Variants in ZFHX3 observed in about 807,000 individuals in gnomAD.
ZFHX3 encodes the protein zinc finger homeobox 3.
ZFHX3 carries 42 observed loss-of-function variants against 279.1 expected under a neutral mutation model. The observed-to-expected ratio is 0.15, with a 90% confidence interval of 0.12 to 0.19. ZFHX3 has a LOEUF of 0.19. Ranked by LOEUF, ZFHX3 falls within the 10% of genes least tolerant of loss-of-function variation. The pLI is 1.00. For missense variants in ZFHX3, 4,981 were observed against 4,754.0 expected (o/e 1.05, Z -1.40); for synonymous variants, 2,293 against 1,957.8 (o/e 1.17, Z -4.52).
chr16:73,387,909 A>C (rs1265745502), intron 3 of ZFHX3, among the ~76,000 whole-genome samples: 1 of 151,946 alleles, frequency 6.6e-6, no homozygotes, highest in East Asian at 2.0e-4. Context: ...CAGCAGAAGA[A>C]TAGCTCGCCT....
rs755308796 is a variant in ZFHX3 at position 73,296,877 on chromosome 16, A to ATGTTTTTTTTTTTTTTTT, written c.-1194+21362_-1194+21363insAAAAAAAAAAAAAAAACA. Reference sequence around the variant, plus strand: ...TTTATAATTGCCATGTGAAGCAGGAATTTTTTTTTTTTTTTTTTTGAGACG... The same window carrying ATGTTTTTTTTTTTTTTTT: ...TTTATAATTGCCATGTGAAGCAGGAATGTTTTTTTTTTTTTTTTTTTTTTTTTTTTTTTTTTTGAGACG... On this transcript the variant is annotated intron_variant, in intron 4 of 17. Transcript: ENST00000641206. Among the ~76,000 whole-genome samples the ATGTTTTTTTTTTTTTTTT allele has an allele frequency of 4.9e-4, 57 of 116,070 alleles. 7 individuals carry two copies. The highest frequency in any genetic ancestry group is 1.0e-3 in the African/African-American group (29 of 28,732). The allele number at this position is 116,070 out of a possible 152,430, so 76.1% of individuals were successfully genotyped here. A position where few individuals can be genotyped will look rare whatever the true frequency, so the allele number is the denominator to read the frequency against.
At chr16:73,450,083 T>G (rs2018257360) in intron 3 of ZFHX3, among the ~76,000 whole-genome samples, 1 of 152,334 alleles carries the variant, frequency 6.6e-6, no homozygotes, top group Admixed American at 6.5e-5. Flanking sequence ...ACATATACAC[T>G]GTGTACTGAT....
intron 4 of ZFHX3, among the ~76,000 whole-genome samples, chr16:73,280,440 G>A (rs1231478779): frequency 6.6e-6 from 1 of 152,122 alleles, no homozygotes; most frequent in Non-Finnish European, 1.5e-5. Flanking sequence ...TGAAAAATGG[G>A]CAAAGGAACT....
chr16:73,665,060 A>C (rs936178501), intron 2 of ZFHX3, among the ~76,000 whole-genome samples: 2 of 152,216 alleles, frequency 1.3e-5, no homozygotes, highest in Admixed American at 1.3e-4. Context: ...GATTAAGAGC[A>C]CTATTGTCCC....
chr16:73,705,725 C>A (rs541425985), intron 1 of ZFHX3, among the ~76,000 whole-genome samples: 1 of 152,260 alleles, frequency 6.6e-6, no homozygotes, highest in African/African-American at 2.4e-5. Context: ...CTCTTCTCTC[C>A]ACTCCACAAA....
intron 5 of ZFHX3, among the ~76,000 whole-genome samples, chr16:73,247,343 A>C (rs1361498820): frequency 6.6e-6 from 1 of 151,254 alleles, no homozygotes; most frequent in Non-Finnish European, 1.5e-5. Context: ...TATACTGTGT[A>C]TATAACGTAT....
chr16:73,184,942 C>G (rs1323246919), intron 5 of ZFHX3, among the ~76,000 whole-genome samples: 1 of 151,764 alleles, frequency 6.6e-6, no homozygotes, highest in African/African-American at 2.4e-5. Context: ...GGCCGGTGCA[C>G]AGCAGATATT....
intron 4 of ZFHX3, among the ~76,000 whole-genome samples, chr16:73,280,591 T>TA (rs916763548): frequency 1.3e-5 from 2 of 151,788 alleles, no homozygotes; most frequent in Admixed American, 6.6e-5. Context: ...ACTCATATTT[T>TA]AAAAAAAAGG....
At chr16:73,839,436 C>G (rs1242747710) in intron 1 of ZFHX3, among the ~76,000 whole-genome samples, 1 of 136,876 alleles carries the variant, frequency 7.3e-6, no homozygotes, top group Non-Finnish European at 1.5e-5. Flanking sequence ...CAGAACTTTT[C>G]AAAAGGGAAT....
intron 2 of ZFHX3, among the ~76,000 whole-genome samples, chr16:73,474,031 A>G (rs1478690425): frequency 6.6e-6 from 1 of 152,184 alleles, no homozygotes; most frequent in African/African-American, 2.4e-5. Context: ...CTGGGTCCTA[A>G]AAGTCTTCCC....
chr16:73,820,960 T>C (rs536324434), intron 1 of ZFHX3, among the ~76,000 whole-genome samples: 1 of 152,196 alleles, frequency 6.6e-6, no homozygotes, highest in South Asian at 2.1e-4. Context: ...TGTTATCTCA[T>C]GTCATTCTTG....
At chr16:73,431,510 C>T (rs1157068681) in intron 3 of ZFHX3, among the ~76,000 whole-genome samples, 3 of 152,144 alleles carry the variant, frequency 2.0e-5, no homozygotes, top group African/African-American at 7.2e-5. Context: ...CACTGCATTC[C>T]AGCCTGGGTG....
intron 2 of ZFHX3, among the ~76,000 whole-genome samples, chr16:73,507,924 T>C (rs777270791): frequency 3.9e-5 from 6 of 152,164 alleles, no homozygotes; most frequent in Non-Finnish European, 8.8e-5. Flanking sequence ...TAGAATCGAT[T>C]AGTACCTAGA....
intron 1 of ZFHX3, among the ~76,000 whole-genome samples, chr16:73,723,412 T>C (rs181250368): frequency 2.6e-5 from 4 of 152,342 alleles, no homozygotes; most frequent in Non-Finnish European, 1.5e-5. Flanking sequence ...CATTAAGTTA[T>C]GCCATAAAAT....
intron 1 of ZFHX3, among the ~76,000 whole-genome samples, chr16:73,002,170 C>G (rs1033664634): frequency 6.6e-6 from 1 of 152,272 alleles, no homozygotes; most frequent in East Asian, 1.9e-4. Context: ...ACATGGAACT[C>G]AAACCCCCGC....
rs548610976 is a variant in ZFHX3 at position 73,247,146 on chromosome 16, G to C, written c.-1104+9901C>G. 5.4e-5 allele frequency among the ~76,000 whole-genome samples: 8 copies of C among 149,096 alleles called. No individual in the cohort carries two copies. The South Asian group carries it at 1.7e-3, about 32-fold the overall frequency. On this transcript the variant is annotated intron_variant, in intron 5 of 17. Transcript: ENST00000641206. Reference sequence around the variant, plus strand: ...CCTGTATGTGGAGTGTGTGTGTACTGTGTATATAATGTGTCTGTGTGTCTA... The same window carrying C: ...CCTGTATGTGGAGTGTGTGTGTACTCTGTATATAATGTGTCTGTGTGTCTA...
At chr16:73,636,459 G>A (rs1206639365) in intron 2 of ZFHX3, among the ~76,000 whole-genome samples, 1 of 152,102 alleles carries the variant, frequency 6.6e-6, no homozygotes, top group Non-Finnish European at 1.5e-5. Flanking sequence ...GCAAGAAAGA[G>A]GCAAAAGTAT....
intron 2 of ZFHX3, among the ~76,000 whole-genome samples, chr16:73,665,846 T>G (rs1460169816): frequency 7.1e-6 from 1 of 140,234 alleles, no homozygotes. Context: ...AGGCAGAGTC[T>G]TGCTCTGTCA....
At chr16:73,353,157 G>T (rs2016278473) in intron 3 of ZFHX3, among the ~76,000 whole-genome samples, 1 of 152,214 alleles carries the variant, frequency 6.6e-6, no homozygotes, top group Non-Finnish European at 1.5e-5. Flanking sequence ...TGATTGACCT[G>T]CTGGGAGGCT....
Sources: allele counts gnomAD v4.1 joint callset (sites outside exome capture counted in the v4.1 genomes callset), GRCh38; gene constraint gnomAD v4.1.1; transcripts MANE v1.5; gene names NCBI Gene and HGNC (gene_info 2026-07-23, HGNC 2026-07-21).